GBF1: variants seen among roughly 807,000 people sequenced by gnomAD.
The protein encoded by GBF1 is Golgi-specific brefeldin A-resistance guanine nucleotide exchange factor 1.
GBF1 carries 114 observed loss-of-function variants against 210.5 expected under a neutral mutation model. The observed-to-expected ratio is 0.54, with a 90% CI of 0.47 to 0.63. The LOEUF (loss-of-function observed/expected upper bound fraction) is 0.63, where lower values mean the gene tolerates loss of function less well. Among genes scored for constraint, GBF1 ranks in the 30% least tolerant of loss-of-function variants. The probability of loss-of-function intolerance (pLI) is 0.00; values close to 1 mark genes in which losing one functional copy is unlikely to be tolerated. For missense variants in GBF1, 1,851 were observed against 2,357.7 expected (o/e 0.79, Z 4.45); for synonymous variants, 850 against 889.2 (o/e 0.96, Z 0.78).
chr10:102,377,063 G>GGC lies in GBF1; in HGVS notation c.4419_4420dup (p.Gly1474AlafsTer28). On this transcript the variant is annotated frameshift_variant, in exon 33 of 40. Transcript: ENST00000369983. LOFTEE classifies it high-confidence loss of function. Reference sequence around the variant, plus strand: ...AACCTCCAGCCAACATGCCTCTCGGGGCGGGCAGAGTGATGATGATGAGGA... The same window carrying GGC: ...AACCTCCAGCCAACATGCCTCTCGGGGCGCGGGCAGAGTGATGATGATGAGGA... 1 of 1,614,182 alleles carries GGC rather than the reference G, an allele frequency of 6.2e-7. No homozygotes were observed. Among genetic ancestry groups the GGC allele is most frequent in the Non-Finnish European group, 8.5e-7 (1 of 1,180,026 alleles).
intron 33 of GBF1, among the ~76,000 whole-genome samples, chr10:102,377,544 G>A (rs1173806130): frequency 1.3e-5 from 2 of 151,812 alleles, no homozygotes; most frequent in Admixed American, 6.6e-5. Context: ...TAGTAGAAAC[G>A]GGGTTTCACC....
intron 4 of GBF1, among the ~76,000 whole-genome samples, chr10:102,350,127 G>T (rs888123776): frequency 2.0e-5 from 3 of 152,116 alleles, no homozygotes; most frequent in Non-Finnish European, 4.4e-5. Context: ...GAGGCTGGCA[G>T]ATACCTGAGG....
intron 3 of GBF1, among the ~76,000 whole-genome samples, chr10:102,277,030 A>G (rs1436082996): frequency 6.6e-6 from 1 of 152,166 alleles, no homozygotes; most frequent in Non-Finnish European, 1.5e-5. Flanking sequence ...ATATATAGAC[A>G]TAAAATTATT....
rs182690621 is a variant in GBF1 at position 102,370,873 on chromosome 10, C to T, written c.3660+13C>T. ...GATCAGTGCTCAGGTAAGCAGAATG[C>T]ATCTTGGAGAGTGGGCAGGTATGCA... On this transcript the variant is annotated intron_variant, in intron 29 of 39. Transcript: ENST00000369983. 5.6e-6 allele frequency: 9 copies of T among 1,612,732 alleles called. No homozygotes were observed. The East Asian group carries it at 1.6e-4, about 28-fold the overall frequency.
intron 36 of GBF1, 102 bp downstream of exon 36, chr10:102,380,056 C>A: frequency 1.2e-6 from 1 of 808,046 alleles, no homozygotes. Context: ...ACTGTAGGTG[C>A]TCACAACCCC....
At chr10:102,244,895 A>G (rs1001310369), upstream of GBF1, among the ~76,000 whole-genome samples, 30 of 152,056 alleles carry the variant, frequency 2.0e-4, no homozygotes, top group African/African-American at 7.0e-4. Flanking sequence ...GCTACGTCCC[A>G]TTTTCTCTAT....
intron 39 of GBF1, among the ~76,000 whole-genome samples, chr10:102,381,685 C>T (rs1304614429): frequency 7.2e-5 from 11 of 151,850 alleles, no homozygotes; most frequent in African/African-American, 2.4e-4. Flanking sequence ...ATTAGCTGGG[C>T]GTGGTAGTGC....
At chr10:102,253,931 T>C (rs1241597592) in intron 1 of GBF1, among the ~76,000 whole-genome samples, 1 of 152,248 alleles carries the variant, frequency 6.6e-6, no homozygotes, top group Non-Finnish European at 1.5e-5. Flanking sequence ...ATATATTTAT[T>C]TGCTGTTTAT....
chr10:102,382,533 C>T lies in GBF1; in HGVS notation c.*197C>T, dbSNP rs2060918230. 2 of 540,738 alleles carry T rather than the reference C, an allele frequency of 3.7e-6. No individual in the cohort carries two copies. Among genetic ancestry groups the T allele is most frequent in the East Asian group, 6.2e-5 (2 of 32,118 alleles). 33.5% of individuals were successfully genotyped at this position (540,738 alleles called of 1,614,324 possible). On this transcript the variant is annotated 3_prime_UTR_variant, in exon 40 of 40. Transcript: ENST00000369983. ...TCAGCTGTGGGACCTTTTTCCTCCT[C>T]TGCGCTCCATTCCTGGGGGTTCAGC...
chr10:102,294,982 A>T (rs933570066), intron 3 of GBF1, among the ~76,000 whole-genome samples: 1 of 152,248 alleles, frequency 6.6e-6, no homozygotes, highest in Non-Finnish European at 1.5e-5. Context: ...CCTGTGAGGT[A>T]GGCCTGAGGA....
intron 23 of GBF1, 84 bp from the exon 24 acceptor site, chr10:102,369,127 G>A: frequency 9.8e-7 from 1 of 1,017,184 alleles, no homozygotes. Flanking sequence ...AGGACCTGAG[G>A]GAACCATCAT....
chr10:102,376,506 G>T, intron 31 of GBF1, 54 bp from the exon 32 acceptor site: 1 of 1,612,042 alleles, frequency 6.2e-7, no homozygotes, highest in Non-Finnish European at 8.5e-7. Flanking sequence ...CCTCTGCAAG[G>T]ACATTCACAC....
chr10:102,336,287 G>A (rs1412643435), intron 3 of GBF1, among the ~76,000 whole-genome samples: 1 of 137,144 alleles, frequency 7.3e-6, no homozygotes, highest in Non-Finnish European at 1.5e-5. Context: ...GTGACAGAGC[G>A]AGACTTTGTC....
intron 3 of GBF1, among the ~76,000 whole-genome samples, chr10:102,308,426 G>A (rs529754946): frequency 7.2e-5 from 11 of 152,148 alleles, no homozygotes; most frequent in African/African-American, 2.2e-4. Context: ...ACACGCACAC[G>A]TATGTTTATT....
intron 3 of GBF1, among the ~76,000 whole-genome samples, chr10:102,265,505 C>A (rs1411701511): frequency 6.6e-6 from 1 of 151,860 alleles, no homozygotes; most frequent in African/African-American, 2.4e-5. Flanking sequence ...TACCAAGATT[C>A]CCCCCATCTC....
At chr10:102,292,306 T>A (rs527251829) in intron 3 of GBF1, among the ~76,000 whole-genome samples, 24 of 151,996 alleles carry the variant, frequency 1.6e-4, no homozygotes, top group Middle Eastern at 3.4e-3. Flanking sequence ...GAAAAAAAAA[T>A]TTAATGATAA....
chr10:102,251,210 G>A (rs1394643645), intron 1 of GBF1, among the ~76,000 whole-genome samples: 1 of 152,186 alleles, frequency 6.6e-6, no homozygotes, highest in Non-Finnish European at 1.5e-5. Flanking sequence ...GTAGGTAAAT[G>A]TGGGTTCTTT....
intron 38 of GBF1, 58 bp from the exon 39 acceptor site, chr10:102,381,069 G>A (rs2060814361): frequency 1.3e-6 from 2 of 1,556,166 alleles, no homozygotes; most frequent in Admixed American, 3.5e-5. Flanking sequence ...GGTAGCTAGG[G>A]CTCTGCTGGA....
Position 102,358,617 on chromosome 10 carries a change from C to G in GBF1, c.899C>G (p.Thr300Ser), listed in dbSNP as rs1376932899. ...TDSGLEFSSQ[T>S]TSKEDLTDLE... ...AGTGGCCTGGAATTCTCCTCCCAAA[C>G]CACTTCCAAGGAAGACCTTACTGAT... Residue 300 changes from threonine (T) to serine (S), a missense_variant, in exon 10 of 40, where the codon ACC becomes AGC. Physicochemically the swap from Thr to Ser is moderately conservative, Grantham distance 58. Coordinates refer to ENST00000369983, the MANE Select transcript of GBF1 (RefSeq NM_001377137.1). 2 of 1,613,538 alleles carry G rather than the reference C, an allele frequency of 1.2e-6. No individual in the cohort carries two copies. Among genetic ancestry groups the G allele is most frequent in the Non-Finnish European group, 1.7e-6 (2 of 1,179,528 alleles).
Sources: allele counts gnomAD v4.1 joint callset (sites outside exome capture counted in the v4.1 genomes callset), GRCh38; gene constraint gnomAD v4.1.1; transcripts MANE v1.5; gene names NCBI Gene and HGNC (gene_info 2026-07-23, HGNC 2026-07-21).